The following GALK2 variants were observed in gnomAD, a reference collection of about 807,000 sequenced individuals.
The protein encoded by GALK2 is N-acetylgalactosamine kinase.
In GALK2, 36 loss-of-function variants were observed where a neutral mutation model predicts 52.4. The ratio of observed to expected loss-of-function variants is 0.69; its 90% CI spans 0.53 to 0.91. GALK2 has a LOEUF of 0.91. Ranked by LOEUF, GALK2 falls within the 40% of genes least tolerant of loss-of-function variation. The pLI, the probability that GALK2 is intolerant of heterozygous loss-of-function variation, is 0.00. For missense variants in GALK2, 579 were observed against 559.1 expected (o/e 1.04, Z -0.36); for synonymous variants, 176 against 199.1 (o/e 0.88, Z 0.98).
At chr15:49,355,838 G>A (rs902238349) in intron 3 of GALK2, among the ~76,000 whole-genome samples, 5 of 152,276 alleles carry the variant, frequency 3.3e-5, no homozygotes, top group African/African-American at 1.2e-4. Flanking sequence ...GGCAGCTAGA[G>A]AGAAAGGTCG....
intron 7 of GALK2, among the ~76,000 whole-genome samples, chr15:49,290,461 A>G (rs532467984): frequency 4.6e-5 from 7 of 152,354 alleles, no homozygotes; most frequent in African/African-American, 1.2e-4. Context: ...TAGTGCCTCA[A>G]TCTGCAGAAG....
At chr15:49,202,636 C>T (rs1349343486) in intron 2 of GALK2, among the ~76,000 whole-genome samples, 1 of 152,142 alleles carries the variant, frequency 6.6e-6, no homozygotes, top group East Asian at 1.9e-4. Flanking sequence ...TGTATCTTGA[C>T]TATTGTGAAT....
intron 5 of GALK2, among the ~76,000 whole-genome samples, chr15:49,269,862 T>C (rs967416567): frequency 2.6e-5 from 4 of 152,246 alleles, no homozygotes; most frequent in African/African-American, 7.2e-5. Context: ...CTATCCTTTC[T>C]ATCTATATAT....
chr15:49,265,545 C>T (rs2092328231), intron 5 of GALK2, among the ~76,000 whole-genome samples: 1 of 152,358 alleles, frequency 6.6e-6, no homozygotes, highest in South Asian at 2.1e-4. Context: ...ATGCCTCGCC[C>T]TGTTTTGGCT....
downstream of GALK2, chr15:49,335,401 A>G: frequency 2.0e-6 from 3 of 1,511,702 alleles, no homozygotes; most frequent in Non-Finnish European, 2.8e-6. Context: ...ATTTAACAAT[A>G]GTATAGCATC....
At chr15:49,314,260 A>G (rs576111068) in intron 8 of GALK2, among the ~76,000 whole-genome samples, 1 of 152,342 alleles carries the variant, frequency 6.6e-6, no homozygotes, top group African/African-American at 2.4e-5. Flanking sequence ...CCATTTTTAT[A>G]TTCTTTCTCT....
intron 1 of GALK2, among the ~76,000 whole-genome samples, chr15:49,163,931 A>T (rs2084734966): frequency 6.6e-6 from 1 of 152,162 alleles, no homozygotes; most frequent in Non-Finnish European, 1.5e-5. Flanking sequence ...TCATCTTTAA[A>T]ATTTTTTTTT....
intron 1 of GALK2, chr15:49,195,257 G>C (rs954653662): frequency 6.0e-6 from 2 of 332,598 alleles, no homozygotes; most frequent in African/African-American, 4.5e-5. Flanking sequence ...ATTTTTAGTA[G>C]AGATGGTGTT....
chr15:49,244,933 A>G (rs1349367777), intron 5 of GALK2, among the ~76,000 whole-genome samples: 2 of 152,092 alleles, frequency 1.3e-5, no homozygotes, highest in Non-Finnish European at 2.9e-5. Context: ...GAGCTGTTGT[A>G]GGATATGACA....
At chr15:49,220,344 TGA>T (rs1306401401) in intron 3 of GALK2, among the ~76,000 whole-genome samples, 1 of 152,174 alleles carries the variant, frequency 6.6e-6, no homozygotes, top group Non-Finnish European at 1.5e-5. Flanking sequence ...TTCCCACATA[TGA>T]GTGAGAATAT....
intron 8 of GALK2, among the ~76,000 whole-genome samples, chr15:49,303,859 A>G (rs2035323621): frequency 6.6e-6 from 1 of 152,246 alleles, no homozygotes; most frequent in Admixed American, 6.5e-5. Flanking sequence ...GAAGAAAAGG[A>G]AAGGAAAATG....
intron 8 of GALK2, among the ~76,000 whole-genome samples, chr15:49,301,516 G>A (rs972589574): frequency 6.6e-6 from 1 of 152,102 alleles, no homozygotes; most frequent in Admixed American, 6.6e-5. Flanking sequence ...GGTAAGGAGA[G>A]ATAGGCAGAT....
chr15:49,169,811 A>C (rs2084947616), upstream of GALK2, among the ~76,000 whole-genome samples: 1 of 152,240 alleles, frequency 6.6e-6, no homozygotes, highest in South Asian at 2.1e-4. Flanking sequence ...TTGATTTGGA[A>C]GTAATCCGCA....
chr15:49,248,831 T>C (rs2091469017), intron 5 of GALK2, among the ~76,000 whole-genome samples: 1 of 152,226 alleles, frequency 6.6e-6, no homozygotes, highest in African/African-American at 2.4e-5. Flanking sequence ...TGTTTACCTT[T>C]AGCGTAAACG....
intron 3 of GALK2, chr15:49,365,539 G>C: frequency 1.2e-6 from 1 of 864,652 alleles, no homozygotes; most frequent in Non-Finnish European, 2.0e-6. Flanking sequence ...TACTGGCAAT[G>C]TTTCAGTATT....
chr15:49,310,689 T>G (rs1368690597), intron 8 of GALK2, among the ~76,000 whole-genome samples: 2 of 152,202 alleles, frequency 1.3e-5, no homozygotes, highest in Non-Finnish European at 2.9e-5. Context: ...TGTCTTCTTT[T>G]GAGAAATCTC....
intron 2 of GALK2, among the ~76,000 whole-genome samples, chr15:49,213,439 C>T: frequency 6.6e-6 from 1 of 152,134 alleles, no homozygotes; most frequent in Non-Finnish European, 1.5e-5. Flanking sequence ...GTTTGCTGCA[C>T]CTGTCAACCC....
chr15:49,216,190 T>C (rs2089358964), intron 2 of GALK2, among the ~76,000 whole-genome samples: 1 of 152,134 alleles, frequency 6.6e-6, no homozygotes, highest in Admixed American at 6.5e-5. Flanking sequence ...GCCTGTATAA[T>C]ACTGGATCTT....
rs1169224858 is a variant in GALK2 at position 49,328,641 on chromosome 15, G to A, written c.*482G>A. 2 of 1,576,498 alleles carry A rather than the reference G, an allele frequency of 1.3e-6. No individual in the cohort carries two copies. Among genetic ancestry groups the A allele is most frequent in the Non-Finnish European group, 1.7e-6 (2 of 1,157,764 alleles). On this transcript the variant is annotated 3_prime_UTR_variant, in exon 10 of 10. Transcript: ENST00000560031. ...TGATGATGATGATGACGATAGTGAT[G>A]CCACACATTCTCTCTCAATTTCAGC...
Sources: allele counts gnomAD v4.1 joint callset (sites outside exome capture counted in the v4.1 genomes callset), GRCh38; gene constraint gnomAD v4.1.1; transcripts MANE v1.5; gene names NCBI Gene and HGNC (gene_info 2026-07-23, HGNC 2026-07-21).